The following ARHGAP12 variants were observed in gnomAD, a reference collection of about 807,000 sequenced individuals.
ARHGAP12 encodes rho GTPase-activating protein 12.
In ARHGAP12, 64 loss-of-function variants were observed where a neutral mutation model predicts 108.6. The observed-to-expected ratio is 0.59, with a 90% CI of 0.48 to 0.73. The LOEUF is 0.73. Ranked by LOEUF, ARHGAP12 falls within the 30% of genes least tolerant of loss-of-function variation. The pLI is 0.00. For synonymous variants in ARHGAP12, 312 were observed against 337.2 expected (o/e 0.93, Z 0.82); for missense variants, 940 against 1,005.9 (o/e 0.93, Z 0.89).
intron 10 of ARHGAP12, chr10:31,826,990 T>C (rs1335883780): frequency 6.6e-6 from 1 of 152,162 alleles, no homozygotes; most frequent in Non-Finnish European, 1.5e-5. Flanking sequence ...AAAACAAAAA[T>C]GTGTAAAGGA....
chr10:31,864,050 T>A (rs926579177), intron 3 of ARHGAP12, among the ~76,000 whole-genome samples: 1 of 152,172 alleles, frequency 6.6e-6, no homozygotes, highest in Non-Finnish European at 1.5e-5. Context: ...ATCTCACTTA[T>A]AACTAACTGC....
chr10:31,864,689 A>C (rs1837257001), intron 3 of ARHGAP12, among the ~76,000 whole-genome samples: 1 of 152,250 alleles, frequency 6.6e-6, no homozygotes, highest in African/African-American at 2.4e-5. Context: ...GAGGAAACTA[A>C]GAAAACATCC....
At chr10:31,828,281 A>C (rs1008072894) in intron 10 of ARHGAP12, among the ~76,000 whole-genome samples, 2 of 149,830 alleles carry the variant, frequency 1.3e-5, no homozygotes, top group African/African-American at 4.9e-5. Context: ...GAATTTAGTT[A>C]AGTTTTGCTT....
Position 31,852,504 on chromosome 10 carries a change from C to A in ARHGAP12, c.1170+13G>T, listed in dbSNP as rs1836723256. On this transcript the variant is annotated intron_variant, in intron 6 of 19. Coordinates refer to ENST00000344936, the MANE Select transcript of ARHGAP12 (RefSeq NM_018287.7). ...CTATTTTTAAATAGAAATTCGGTGT[C>A]AAGGTTTATTACCTTTGGCAATTCC... is the stretch of plus-strand genomic sequence containing the variant. 1 of 1,584,620 alleles carries A rather than the reference C, an allele frequency of 6.3e-7. No homozygotes were observed. Among genetic ancestry groups the A allele is most frequent in the African/African-American group, 1.3e-5 (1 of 74,324 alleles).
rs577697165 is a variant in ARHGAP12, at chr10:31,814,327, A to G, written c.1766T>C (p.Ile589Thr). 10 of 1,613,996 alleles carry G rather than the reference A, an allele frequency of 6.2e-6. No homozygotes were observed. The Admixed American group carries it at 1.5e-4, about 24-fold the overall frequency. Reference protein sequence around the residue: ...VETDEGIEEEIPDSPGIEKHD... With the variant: ...VETDEGIEEETPDSPGIEKHD... ...CTTTTCTATTCCTGGTGAATCCGGT[A>G]TCTCCTCTTCAATTCCTTCATCAGT... The change falls in exon 14 of 20, where the codon ATA (isoleucine) becomes ACA (threonine). Residue 589 changes from isoleucine (I) to threonine (T), a missense_variant. Transcript: ENST00000344936.
At chr10:31,828,165 C>T (rs1479732271) in intron 10 of ARHGAP12, among the ~76,000 whole-genome samples, 2 of 151,598 alleles carry the variant, frequency 1.3e-5, no homozygotes, top group African/African-American at 4.8e-5. Context: ...ATGAACTTTG[C>T]TACTGATATC....
intron 4 of ARHGAP12, among the ~76,000 whole-genome samples, chr10:31,856,733 A>G (rs1156725799): frequency 6.6e-6 from 1 of 152,204 alleles, no homozygotes; most frequent in African/African-American, 2.4e-5. Flanking sequence ...TCCAAGAACT[A>G]TAACCTCACA....
intron 1 of ARHGAP12, among the ~76,000 whole-genome samples, chr10:31,920,722 AG>A (rs1475780554): frequency 2.6e-5 from 4 of 152,224 alleles, no homozygotes; most frequent in Admixed American, 6.5e-5. Flanking sequence ...CAAGTATTCC[AG>A]AAACTAGAGT....
At chr10:31,884,144 AC>A (rs1456881542) in intron 3 of ARHGAP12, among the ~76,000 whole-genome samples, 1 of 151,472 alleles carries the variant, frequency 6.6e-6, no homozygotes, top group African/African-American at 2.4e-5. Context: ...TTAAAAGACC[AC>A]TTCTTTCCAA....
chr10:31,855,653 A>C (rs1214095995), intron 4 of ARHGAP12, among the ~76,000 whole-genome samples: 1 of 152,242 alleles, frequency 6.6e-6, no homozygotes, highest in African/African-American at 2.4e-5. Context: ...TTAAAATGCA[A>C]GCTCATAGAC....
At chr10:31,914,455 A>C (rs1042730903) in intron 1 of ARHGAP12, among the ~76,000 whole-genome samples, 6 of 152,288 alleles carry the variant, frequency 3.9e-5, no homozygotes, top group East Asian at 1.9e-4. Flanking sequence ...GCAAAAAAAA[A>C]ACAAATAATC....
At chr10:31,889,872 C>T (rs1838347441) in intron 3 of ARHGAP12, among the ~76,000 whole-genome samples, 1 of 151,650 alleles carries the variant, frequency 6.6e-6, no homozygotes, top group Non-Finnish European at 1.5e-5. Flanking sequence ...GCATGAGCCA[C>T]CATGCCTGGC....
chr10:31,862,301 T>C (rs1164949951), intron 3 of ARHGAP12, among the ~76,000 whole-genome samples: 1 of 152,234 alleles, frequency 6.6e-6, no homozygotes, highest in Non-Finnish European at 1.5e-5. Flanking sequence ...AGCTTCCTTA[T>C]TTGTGAATTT....
intron 11 of ARHGAP12, among the ~76,000 whole-genome samples, chr10:31,822,776 C>A (rs1301398543): frequency 1.3e-5 from 2 of 151,994 alleles, no homozygotes; most frequent in African/African-American, 4.8e-5. Context: ...CTGCCTTTCC[C>A]TTCCTCTAGG....
intron 1 of ARHGAP12, among the ~76,000 whole-genome samples, chr10:31,911,135 T>C (rs1167288297): frequency 6.6e-6 from 1 of 152,206 alleles, no homozygotes; most frequent in Non-Finnish European, 1.5e-5. Flanking sequence ...GCAATTCTCC[T>C]GCCTCAGCCT....
chr10:31,849,025 T>C (rs7073458), intron 6 of ARHGAP12, among the ~76,000 whole-genome samples: 30,559 of 151,454 alleles, frequency 0.2, 3,340 homozygotes, highest in East Asian at 0.47. Flanking sequence ...GCCACTGCAC[T>C]CCAGCCTGGG....
chr10:31,915,409 GA>G (rs1275418751), intron 1 of ARHGAP12, among the ~76,000 whole-genome samples: 1 of 150,224 alleles, frequency 6.7e-6, no homozygotes, highest in African/African-American at 2.5e-5. Context: ...AAAAAGTTGA[GA>G]GTAAAATGGT....
chr10:31,927,234 A>ACAAAGAAAAG (rs1840087591), intron 1 of ARHGAP12, among the ~76,000 whole-genome samples: 1 of 32,368 alleles, frequency 3.1e-5, no homozygotes, highest in Admixed American at 3.1e-4. Flanking sequence ...AAGGCAAAAT[A>ACAAAGAAAAG]AAAATAGCCA....
chr10:31,851,302 G>A (rs1268482274), intron 6 of ARHGAP12, among the ~76,000 whole-genome samples: 1 of 152,128 alleles, frequency 6.6e-6, no homozygotes, highest in Admixed American at 6.5e-5. Context: ...TACGTAAAAT[G>A]TGAGATAAAG....
Sources: gnomAD v4.1 joint callset for allele counts (sites outside exome capture counted in the v4.1 genomes callset) on GRCh38, gnomAD v4.1.1 for gene constraint, MANE v1.5 for transcripts, NCBI Gene and HGNC (gene_info 2026-07-23, HGNC 2026-07-21) for gene names.